Variants in NRP2 observed in about 807,000 individuals in gnomAD.
NRP2 encodes neuropilin 2, also known as neuropilin-2.
In NRP2, 52 loss-of-function variants were observed where a neutral mutation model predicts 110.4. The observed-to-expected ratio is 0.47, with a 90% confidence interval of 0.38 to 0.59. The LOEUF (loss-of-function observed/expected upper bound fraction) is 0.59. Among genes scored for constraint, NRP2 ranks in the 20% least tolerant of loss-of-function variants. The probability of loss-of-function intolerance (pLI) is 0.00; values close to 1 mark genes in which losing one functional copy is unlikely to be tolerated. For synonymous variants in NRP2, 508 were observed against 468.9 expected (o/e 1.08, Z -1.08); for missense variants, 1,049 against 1,203.0 (o/e 0.87, Z 1.89).
chr2:205,706,971 C>A (rs1307766255), intron 2 of NRP2, among the ~76,000 whole-genome samples: 5 of 152,212 alleles, frequency 3.3e-5, no homozygotes, highest in Non-Finnish European at 1.5e-5. Context: ...AATAAAGATC[C>A]TTCAAGGTCT....
chr2:205,788,421 G>A (rs1294909916), intron 15 of NRP2, among the ~76,000 whole-genome samples: 1 of 152,140 alleles, frequency 6.6e-6, no homozygotes, highest in African/African-American at 2.4e-5. Flanking sequence ...TTGGAGATCG[G>A]GAAGGCAGAG....
intron 3 of NRP2, among the ~76,000 whole-genome samples, chr2:205,718,920 C>T (rs193241084): frequency 0.011 from 1,548 of 138,622 alleles, 19 homozygotes; most frequent in Non-Finnish European, 0.013. Context: ...CCAGCCTGGA[C>T]GACAAGAGCG....
At chr2:205,786,755 A>G (rs539212379) in intron 15 of NRP2, among the ~76,000 whole-genome samples, 6 of 152,360 alleles carry the variant, frequency 3.9e-5, no homozygotes, top group African/African-American at 1.4e-4. Flanking sequence ...TTAAAACTAT[A>G]GGCACAATTT....
chr2:205,749,823 A>T lies in NRP2; in HGVS notation c.1885A>T (p.Asn629Tyr). Residue 629 changes from asparagine (N) to tyrosine (Y), a missense_variant, in exon 11 of 17, where the codon AAC (asparagine) becomes TAC (tyrosine). Asn to Tyr is a moderately radical substitution (Grantham distance 143). Transcript: ENST00000357785. ...AGAGGAGGCCACAGAGTGTGGGGAG[A>T]ACTGCAGCTTTGAGGATGGTAAGCA... ...TEEEATECGE[N>Y]CSFEDDKDLQ... The T allele has an allele frequency of 6.2e-7, 1 of 1,613,802 alleles. No homozygotes were observed. The highest frequency in any genetic ancestry group is 8.5e-7 in the Non-Finnish European group (1 of 1,179,774).
chr2:205,736,952 A>C (rs1215454766), intron 7 of NRP2, among the ~76,000 whole-genome samples: 1 of 152,244 alleles, frequency 6.6e-6, no homozygotes, highest in Non-Finnish European at 1.5e-5. Context: ...ACTAGCTATA[A>C]ATAGGGGAGA....
chr2:205,723,535 T>C (rs935362565), intron 4 of NRP2, among the ~76,000 whole-genome samples: 2 of 152,264 alleles, frequency 1.3e-5, no homozygotes, highest in Non-Finnish European at 2.9e-5. Context: ...CCAGCTCATC[T>C]TCCAGGCCAC....
chr2:205,772,274 G>A (rs369481082), intron 15 of NRP2, among the ~76,000 whole-genome samples: 6 of 152,224 alleles, frequency 3.9e-5, no homozygotes, highest in Admixed American at 2.6e-4. Context: ...TTACAGACAC[G>A]TTTCCCAATT....
chr2:205,751,571 G>A (rs2057646123), intron 11 of NRP2, among the ~76,000 whole-genome samples: 1 of 152,146 alleles, frequency 6.6e-6, no homozygotes, highest in African/African-American at 2.4e-5. Flanking sequence ...CTTTGGCCAA[G>A]GGTGGGCAAA....
chr2:205,731,513 C>T (rs925722097), intron 7 of NRP2, among the ~76,000 whole-genome samples: 8 of 152,152 alleles, frequency 5.3e-5, no homozygotes, highest in African/African-American at 1.7e-4. Flanking sequence ...GGCTGTGCCT[C>T]GGGAATGGAA....
At chr2:205,782,819 C>T (rs146665842) in intron 15 of NRP2, among the ~76,000 whole-genome samples, 4 of 151,214 alleles carry the variant, frequency 2.6e-5, no homozygotes, top group African/African-American at 4.8e-5. Flanking sequence ...AGTGTATTAA[C>T]TGCTCCCCTG....
chr2:205,770,988 C>T (rs910108254), intron 15 of NRP2, among the ~76,000 whole-genome samples: 65 of 152,260 alleles, frequency 4.3e-4, no homozygotes, highest in African/African-American at 1.6e-3. Flanking sequence ...AAACAACTGC[C>T]GAGGCCAGCT....
chr2:205,759,646 A>G (rs1017399353), intron 12 of NRP2: 3 of 152,214 alleles, frequency 2.0e-5, no homozygotes, highest in Non-Finnish European at 4.4e-5. Flanking sequence ...GATAAGGGGA[A>G]CCAGTCTTTG....
chr2:205,749,590 C>G (rs1034653128), intron 10 of NRP2, 135 bp from the exon 11 acceptor site: 4 of 735,600 alleles, frequency 5.4e-6, no homozygotes, highest in Non-Finnish European at 2.4e-6. Context: ...TGACAGCACA[C>G]AGACATGACT....
intron 7 of NRP2, among the ~76,000 whole-genome samples, chr2:205,730,394 G>C (rs181927464): frequency 6.6e-6 from 1 of 152,178 alleles, no homozygotes; most frequent in Admixed American, 6.5e-5. Context: ...GGGGGCAGTG[G>C]AGGAAGAGGC....
chr2:205,752,867 T>C lies in NRP2; in HGVS notation c.1936T>C (p.Cys646Arg). The C allele has an allele frequency of 6.2e-7, 1 of 1,614,242 alleles. No individual in the cohort carries two copies. The highest frequency in any genetic ancestry group is 8.5e-7 in the Non-Finnish European group (1 of 1,180,046). The change falls in exon 12 of 17, where the codon TGC becomes CGC. Residue 646 changes from cysteine (C) to arginine (R), a missense_variant. Cys to Arg is a radical substitution (Grantham distance 180). Transcript: ENST00000357785. ...KDLQLPSGFN[C>R]NFDFLEEPCG... is the part of the protein sequence containing the mutation. ...TTTGCAGCTCCCTTCGGGATTCAAT[T>C]GCAACTTCGATTTCCTCGAGGAGCC...
chr2:205,706,926 C>T lies in NRP2; in HGVS notation c.251+9205C>T, dbSNP rs76983541. ...TGGCCAACCAGCCAGAAGCTCTGTG[C>T]GCAAAACAAACAGCCTGCTTCTGGC... On this transcript the variant is annotated intron_variant, in intron 2 of 16. Coordinates refer to ENST00000357785, the MANE Select transcript of NRP2 (RefSeq NM_003872.3). Among the ~76,000 whole-genome samples the T allele has an allele frequency of 2.8e-3, 428 of 152,310 alleles. 10 individuals carry two copies. The East Asian group carries it at 0.059, about 21-fold the overall frequency.
At chr2:205,729,756 C>T (rs1254212408) in intron 7 of NRP2, among the ~76,000 whole-genome samples, 1 of 152,164 alleles carries the variant, frequency 6.6e-6, no homozygotes, top group Non-Finnish European at 1.5e-5. Flanking sequence ...AGAATGCTGT[C>T]CTCCCTGGCT....
chr2:205,740,082 A>G (rs1337184606), intron 7 of NRP2: 3 of 274,128 alleles, frequency 1.1e-5, no homozygotes, highest in African/African-American at 6.7e-5. Context: ...TGCAATTAGA[A>G]AATGCTCTGC....
At chr2:205,717,716 G>C (rs1377971809) in intron 3 of NRP2, among the ~76,000 whole-genome samples, 3 of 152,184 alleles carry the variant, frequency 2.0e-5, no homozygotes, top group Non-Finnish European at 4.4e-5. Context: ...TGAATAGCTT[G>C]ATCCATATTC....
Sources: allele counts gnomAD v4.1 joint callset (sites outside exome capture counted in the v4.1 genomes callset), GRCh38; gene constraint gnomAD v4.1.1; transcripts MANE v1.5; gene names NCBI Gene and HGNC (gene_info 2026-07-23, HGNC 2026-07-21).